The following HIVEP3 variants were observed in gnomAD, a reference collection of about 807,000 sequenced individuals.
HIVEP3 encodes the protein transcription factor HIVEP3.
In HIVEP3, 49 loss-of-function variants were observed where a neutral mutation model predicts 152.8. The observed-to-expected ratio is 0.32, with a 90% confidence interval of 0.26 to 0.41. The LOEUF (loss-of-function observed/expected upper bound fraction) is 0.41, where lower values mean the gene tolerates loss of function less well. HIVEP3 is among the 10% of genes least tolerant of loss of function. HIVEP3 has a pLI of 1.00. For synonymous variants in HIVEP3, 1,269 were observed against 1,289.0 expected (o/e 0.98, Z 0.33); for missense variants, 2,790 against 3,103.3 (o/e 0.90, Z 2.40).
chr1:42,003,967 T>C (rs1402873411), intron 1 of HIVEP3, among the ~76,000 whole-genome samples: 1 of 152,148 alleles, frequency 6.6e-6, no homozygotes, highest in South Asian at 2.1e-4. Context: ...AATGCAAATG[T>C]CTCAGGTTAG....
At chr1:41,713,840 T>C (rs924215143) in intron 1 of HIVEP3, among the ~76,000 whole-genome samples, 1 of 152,220 alleles carries the variant, frequency 6.6e-6, no homozygotes, top group African/African-American at 2.4e-5. Flanking sequence ...GAGTGGGTGA[T>C]GAGCAAGCCT....
At position 41,570,109 on chromosome 1, in the gene HIVEP3, G is replaced by T. The variant is rs183306839; in HGVS notation, c.5207+5435C>A. Among the ~76,000 whole-genome samples, 426 of 152,264 alleles carry T rather than the reference G, an allele frequency of 2.8e-3. 7 individuals carry two copies. Among genetic ancestry groups the T allele is most frequent in the African/African-American group, 7.3e-3 (305 of 41,530 alleles). On this transcript the variant is annotated intron_variant, in intron 5 of 8. Coordinates refer to ENST00000372583, the MANE Select transcript of HIVEP3 (RefSeq NM_024503.5). ...TCTGAGTGTCATCAACCTGTAGATG[G>T]TGTATAGATCACGTTGGGACTGAGT...
intron 2 of HIVEP3, among the ~76,000 whole-genome samples, chr1:41,643,393 G>A (rs552746976): frequency 1.3e-5 from 2 of 152,372 alleles, no homozygotes; most frequent in South Asian, 4.1e-4. Context: ...TTCAGGGCAA[G>A]AACATGTCCC....
At chr1:41,800,168 A>ATTGCTAAACTGTCCCAGGCCCT (rs1650221640) in intron 1 of HIVEP3, among the ~76,000 whole-genome samples, 1 of 152,202 alleles carries the variant, frequency 6.6e-6, no homozygotes, top group Non-Finnish European at 1.5e-5. Flanking sequence ...ATAGTAAACT[A>ATTGCTAAACTGTCCCAGGCCCT]TTGCTAAACT....
In HIVEP3 at chr1:41,581,962, A is replaced by G. The variant is rs1307209865; in HGVS notation, c.2836T>C (p.Ser946Pro). 1 of 1,614,084 alleles carries G rather than the reference A, an allele frequency of 6.2e-7. No individual in the cohort carries two copies. Residue 946 changes from serine to proline, a missense_variant, in exon 4 of 9, where the codon TCA becomes CCA. Physicochemically the swap from Ser to Pro is moderately conservative, Grantham distance 74. This residue lies in a region of HIVEP3 where 1,078 missense variants were observed against 1,165.3 expected (regional missense o/e 0.93). Coordinates refer to ENST00000372583, the MANE Select transcript of HIVEP3 (RefSeq NM_024503.5). The surrounding 1 kb of genome is among the most constrained non-coding windows in gnomAD (Gnocchi z 4.5). ...TGGTCATCCCTCTCAAACGAGGCTGAGCGGCTGGACCCACTCAAAGAGACA... is the reference window on the plus strand; with the variant it reads ...TGGTCATCCCTCTCAAACGAGGCTGGGCGGCTGGACCCACTCAAAGAGACA... ...SNVSLSGSSR[S>P]ASFERDDHGK...
At chr1:41,979,010 T>A (rs1474521020) in intron 1 of HIVEP3, among the ~76,000 whole-genome samples, 1 of 152,166 alleles carries the variant, frequency 6.6e-6, no homozygotes, top group African/African-American at 2.4e-5. Context: ...CTCTTCCCTG[T>A]GCCAGGGACC....
At chr1:41,760,134 G>A (rs1647572246) in intron 1 of HIVEP3, among the ~76,000 whole-genome samples, 1 of 152,160 alleles carries the variant, frequency 6.6e-6, no homozygotes, top group African/African-American at 2.4e-5. Context: ...GATCACACCT[G>A]TGAATAGCCA....
chr1:41,585,463 G>A (rs1016255962), intron 3 of HIVEP3, 145 bp from the exon 4 acceptor site: 3 of 397,114 alleles, frequency 7.6e-6, no homozygotes, highest in Non-Finnish European at 1.3e-5. Context: ...GGAAACTCAA[G>A]CAGAACCACA....
chr1:41,977,256 G>A (rs1040988427), intron 1 of HIVEP3, among the ~76,000 whole-genome samples: 1 of 152,110 alleles, frequency 6.6e-6, no homozygotes, highest in Non-Finnish European at 1.5e-5. Flanking sequence ...TAGATGAAGG[G>A]TTAGGATGAG....
chr1:41,783,629 G>T (rs1329600295), intron 1 of HIVEP3, among the ~76,000 whole-genome samples: 1 of 152,132 alleles, frequency 6.6e-6, no homozygotes, highest in Admixed American at 6.5e-5. Context: ...ACACACACTC[G>T]CATAGATCAT....
chr1:41,562,089 T>C (rs987367789), intron 5 of HIVEP3, among the ~76,000 whole-genome samples: 1 of 152,234 alleles, frequency 6.6e-6, no homozygotes, highest in African/African-American at 2.4e-5. Context: ...ATGCTGGACC[T>C]GGGATAAACA....
At chr1:41,944,933 C>T (rs952780282) in intron 1 of HIVEP3, among the ~76,000 whole-genome samples, 9 of 152,196 alleles carry the variant, frequency 5.9e-5, no homozygotes, top group Non-Finnish European at 1.2e-4. Context: ...AAGAAAGAAA[C>T]GATTTATATT....
In HIVEP3 at chr1:41,533,148, C is replaced by T. The variant is rs141254430; in HGVS notation, c.5208-8238G>A. Among the ~76,000 whole-genome samples, 334 of 152,248 alleles carry T rather than the reference C, an allele frequency of 2.2e-3. 1 individual carries two copies. The highest frequency in any genetic ancestry group is 5.6e-3 in the South Asian group (27 of 4,820). ...ACCTGGAACCTGTGGCTCCTCTGCT[C>T]GTTGAAGGCCAGGACCGAGGCTTGT... is the stretch of plus-strand genomic sequence containing the variant. On this transcript the variant is annotated intron_variant, in intron 5 of 8. Transcript: ENST00000372583. The surrounding 1 kb of genome is among the most constrained non-coding windows in gnomAD (Gnocchi z 4.3).
intron 1 of HIVEP3, among the ~76,000 whole-genome samples, chr1:42,027,554 A>G (rs1190433087): frequency 6.6e-6 from 1 of 152,132 alleles, no homozygotes; most frequent in Non-Finnish European, 1.5e-5. Context: ...TCCAGCCACA[A>G]TGTCCTCCTT....
chr1:41,712,554 G>A (rs923338723), intron 1 of HIVEP3, among the ~76,000 whole-genome samples: 4 of 152,362 alleles, frequency 2.6e-5, no homozygotes, highest in South Asian at 2.1e-4. Context: ...GGTCAGGGCC[G>A]ATGCTAACAG....
At chr1:41,610,661 A>G (rs1644884078) in intron 3 of HIVEP3, among the ~76,000 whole-genome samples, 1 of 152,208 alleles carries the variant, frequency 6.6e-6, no homozygotes, top group Non-Finnish European at 1.5e-5. Flanking sequence ...CCCACAGGCC[A>G]TGGTACCACC....
chr1:41,846,069 G>T (rs941254929), intron 1 of HIVEP3, among the ~76,000 whole-genome samples: 3 of 152,064 alleles, frequency 2.0e-5, no homozygotes, highest in African/African-American at 4.8e-5. Context: ...ATCTCAAAAA[G>T]AAATAATAAA....
At chr1:41,604,410 A>C (rs900684998) in intron 3 of HIVEP3, among the ~76,000 whole-genome samples, 1 of 152,252 alleles carries the variant, frequency 6.6e-6, no homozygotes, top group Non-Finnish European at 1.5e-5. Flanking sequence ...AAGTAAAGGA[A>C]TTCAGACACA....
rs66882363 is a variant in HIVEP3 at position 41,974,486 on chromosome 1, T to TACACACACACACACAC, written n.120-55978_120-55963dup. Among the ~76,000 whole-genome samples the TACACACACACACACAC allele has an allele frequency of 9.4e-3, 1,256 of 134,214 alleles. 30 individuals carry two copies. The highest frequency in any genetic ancestry group is 0.034 in the African/African-American group (1,178 of 34,756). 88.0% of individuals were successfully genotyped at this position (134,214 alleles called of 152,430 possible). A position where few individuals can be genotyped will look rare whatever the true frequency, so the allele number is the denominator to read the frequency against. The stretch of plus-strand genomic sequence containing the variant: ...ACATCCATAACCCCACTCCACCCCC[T>TACACACACACACACAC]ACACACACACACACACACACACACA... On this transcript the variant is annotated intron_variant and non_coding_transcript_variant, in intron 1 of 3. Coordinates refer to the HIVEP3 transcript ENST00000489103.
Sources: allele counts gnomAD v4.1 joint callset (sites outside exome capture counted in the v4.1 genomes callset), GRCh38; gene constraint gnomAD v4.1.1; regional missense constraint gnomAD v4.1.1; non-coding constraint Gnocchi (gnomAD v3.1); transcripts MANE v1.5; gene names NCBI Gene and HGNC (gene_info 2026-07-23, HGNC 2026-07-21).